EYS: variants seen among roughly 807,000 people sequenced by gnomAD.
EYS encodes EGF-like photoreceptor maintenance factor.
In EYS, 250 loss-of-function variants were observed where a neutral mutation model predicts 282.1. The observed-to-expected ratio is 0.89, with a 90% CI of 0.80 to 0.98. EYS has a LOEUF of 0.98. EYS is among the 50% of genes least tolerant of loss of function. EYS has a pLI of 0.00. For synonymous variants in EYS, 1,355 were observed against 1,282.9 expected, an observed-to-expected ratio of 1.06 and a Z score of -1.20; for missense variants, 4,016 against 3,709.0, an observed-to-expected ratio of 1.08 and a Z score of -2.15.
intron 33 of EYS, among the ~76,000 whole-genome samples, chr6:64,024,203 T>A (rs1048432480): frequency 6.6e-6 from 1 of 152,156 alleles, no homozygotes; most frequent in Non-Finnish European, 1.5e-5. Flanking sequence ...GGCTCCTGAG[T>A]CTGGTGGGGA....
intron 2 of EYS, among the ~76,000 whole-genome samples, chr6:65,542,338 C>A (rs1768197607): frequency 6.6e-6 from 1 of 151,916 alleles, no homozygotes. Flanking sequence ...TACAATATAC[C>A]ATTAAATTTG....
At chr6:65,057,786 G>GT in intron 12 of EYS, 59 bp from the exon 13 acceptor site, 2 of 1,173,906 alleles carry the variant, frequency 1.7e-6, no homozygotes, top group Admixed American at 4.0e-5. Context: ...GTATCAAGTC[G>GT]TAATTCTTAA....
intron 26 of EYS, among the ~76,000 whole-genome samples, chr6:64,570,814 G>C (rs1366273128): frequency 6.6e-6 from 1 of 152,086 alleles, no homozygotes; most frequent in South Asian, 2.1e-4. Flanking sequence ...AAGAGACTTA[G>C]ACTCCCATAC....
rs996239133 is a variant in EYS at position 64,590,383 on chromosome 6, T to G, written c.5484A>C (p.Lys1828Asn). 14 of 1,551,224 alleles carry G rather than the reference T, an allele frequency of 9.0e-6. No individual in the cohort carries two copies. The highest frequency in any genetic ancestry group is 2.0e-5 in the Admixed American group (1 of 50,946). ...PYFTDYMTSL[K>N]KEVKTSSEWS... ...ATTCTGAAGAAGTCTTGACCTCTTT[T>G]TTAAGAGAGGTCATATAATCTGTAA... Residue 1828 changes from lysine to asparagine, a missense_variant, in exon 26 of 43, where the codon AAA becomes AAC. Coordinates refer to ENST00000503581, the MANE Select transcript of EYS (RefSeq NM_001142800.2).
chr6:64,285,347 A>G (rs1768458816), intron 30 of EYS, among the ~76,000 whole-genome samples: 1 of 152,198 alleles, frequency 6.6e-6, no homozygotes, highest in African/African-American at 2.4e-5. Context: ...ACAAATCTCT[A>G]GGGCAGGGGC....
At chr6:64,130,177 A>G (rs2150280862) in intron 31 of EYS, among the ~76,000 whole-genome samples, 1 of 152,348 alleles carries the variant, frequency 6.6e-6, no homozygotes, top group Middle Eastern at 3.4e-3. Context: ...AGACACATGC[A>G]CATGTATGTT....
intron 2 of EYS, among the ~76,000 whole-genome samples, chr6:65,504,139 G>C (rs148384095): frequency 4.0e-4 from 61 of 151,600 alleles, no homozygotes; most frequent in African/African-American, 1.4e-3. Flanking sequence ...TCAGAGTTTA[G>C]TTTTCCACAT....
chr6:64,396,182 T>C (rs1773370482), intron 28 of EYS, among the ~76,000 whole-genome samples: 1 of 152,176 alleles, frequency 6.6e-6, no homozygotes, highest in Non-Finnish European at 1.5e-5. Flanking sequence ...ATTTTCAAGA[T>C]ATATAGTCAG....
At chr6:63,868,976 C>G (rs1201234762) in intron 35 of EYS, among the ~76,000 whole-genome samples, 1 of 152,058 alleles carries the variant, frequency 6.6e-6, no homozygotes, top group African/African-American at 2.4e-5. Flanking sequence ...TCATTTATAA[C>G]TTTTTAAAAG....
intron 35 of EYS, among the ~76,000 whole-genome samples, chr6:63,963,160 T>C (rs1766156449): frequency 6.6e-6 from 1 of 151,570 alleles, no homozygotes; most frequent in Admixed American, 6.6e-5. Context: ...CATTAGGAGA[T>C]ATACCTAATG....
Position 64,926,632 on chromosome 6 carries a change from A to G in EYS, c.2382-13889T>C, listed in dbSNP as rs1371552233. On this transcript the variant is annotated intron_variant, in intron 15 of 42. Transcript: ENST00000503581. ...GCCTGCCACATGAGTTGTTACCTGC[A>G]TTTTTTTTCTAAGTGCCCAAAGTTT... Among the ~76,000 whole-genome samples the G allele has an allele frequency of 2.0e-5, 3 of 151,750 alleles. No individual in the cohort carries two copies. In the South Asian group the frequency reaches 6.3e-4, roughly 32 times the overall value.
At chr6:64,958,271 G>C (rs938496421) in intron 14 of EYS, among the ~76,000 whole-genome samples, 5 of 151,728 alleles carry the variant, frequency 3.3e-5, no homozygotes, top group Non-Finnish European at 7.4e-5. Context: ...AATCCTAGTT[G>C]TTCGGGAGGC....
intron 12 of EYS, among the ~76,000 whole-genome samples, chr6:65,244,746 T>A (rs1187137401): frequency 6.6e-6 from 1 of 151,344 alleles, no homozygotes; most frequent in East Asian, 1.9e-4. Flanking sequence ...ATGGTCTCTA[T>A]CTCCTGACCT....
chr6:64,123,283 T>C (rs11963625), intron 31 of EYS, among the ~76,000 whole-genome samples: 10,303 of 152,262 alleles, frequency 0.068, 1,060 homozygotes, highest in African/African-American at 0.23. Context: ...AGGCCTCATA[T>C]AGTTACTAAT....
intron 19 of EYS, among the ~76,000 whole-genome samples, chr6:64,839,832 C>A (rs927145872): frequency 6.6e-6 from 1 of 151,978 alleles, no homozygotes; most frequent in Admixed American, 6.6e-5. Context: ...GAAGGGTCTA[C>A]CTTCCAGCCT....
chr6:64,162,307 A>G (rs574324218), intron 31 of EYS, among the ~76,000 whole-genome samples: 1 of 152,252 alleles, frequency 6.6e-6, no homozygotes, highest in East Asian at 1.9e-4. Flanking sequence ...TCACTGGACC[A>G]TATGCTCTAA....
chr6:65,276,938 A>T (rs1768063956), intron 12 of EYS, among the ~76,000 whole-genome samples: 1 of 152,214 alleles, frequency 6.6e-6, no homozygotes, highest in Non-Finnish European at 1.5e-5. Context: ...TTTCCTGGTC[A>T]TGTAACATAA....
At chr6:64,120,144 G>A (rs1186755776) in intron 31 of EYS, among the ~76,000 whole-genome samples, 2 of 151,170 alleles carry the variant, frequency 1.3e-5, no homozygotes, top group Admixed American at 6.6e-5. Context: ...TCAGGAGATC[G>A]AGACCATCCT....
chr6:64,705,196 A>C (rs1013861692), intron 22 of EYS, among the ~76,000 whole-genome samples: 1 of 152,208 alleles, frequency 6.6e-6, no homozygotes, highest in African/African-American at 2.4e-5. Flanking sequence ...GACCAAGCTG[A>C]GAATCAAATT....
Sources: gnomAD v4.1 joint callset for allele counts (sites outside exome capture counted in the v4.1 genomes callset) on GRCh38, gnomAD v4.1.1 for gene constraint, MANE v1.5 for transcripts, NCBI Gene and HGNC (gene_info 2026-07-23, HGNC 2026-07-21) for gene names.